GRM5: variants seen among roughly 807,000 people sequenced by gnomAD.
GRM5 encodes metabotropic glutamate receptor 5.
In GRM5, 19 loss-of-function variants were observed where a neutral mutation model predicts 83.1. The observed-to-expected ratio is 0.23, with a 90% CI of 0.16 to 0.34. The LOEUF is 0.34. Among genes scored for constraint, GRM5 ranks in the 10% least tolerant of loss-of-function variants. GRM5 has a pLI of 1.00. For missense variants in GRM5, 1,160 were observed against 1,588.3 expected (o/e 0.73, Z 4.58); for synonymous variants, 675 against 633.6 (o/e 1.07, Z -0.98).
At chr11:88,785,501 T>A (rs138605772) in intron 3 of GRM5, among the ~76,000 whole-genome samples, 1 of 152,224 alleles carries the variant, frequency 6.6e-6, no homozygotes, top group Non-Finnish European at 1.5e-5. Context: ...CCATTACTTA[T>A]GACCTCAAAA....
intron 2 of GRM5, among the ~76,000 whole-genome samples, chr11:88,979,340 A>AT (rs1939449321): frequency 6.6e-6 from 1 of 152,218 alleles, no homozygotes; most frequent in Non-Finnish European, 1.5e-5. Flanking sequence ...AAACAAAATG[A>AT]TTTTTTGAAA....
intron 3 of GRM5, among the ~76,000 whole-genome samples, chr11:88,832,331 A>C (rs1489730595): frequency 1.3e-5 from 2 of 152,216 alleles, no homozygotes; most frequent in Non-Finnish European, 2.9e-5. Flanking sequence ...ACCAATAATG[A>C]ACTGGCTGAG....
chr11:88,564,786 T>A (rs1181719788), intron 8 of GRM5, among the ~76,000 whole-genome samples: 1 of 152,218 alleles, frequency 6.6e-6, no homozygotes, highest in African/African-American at 2.4e-5. Context: ...CCTAAGGAGC[T>A]TGCTCTGCTT....
At chr11:89,054,258 T>C (rs534601138) in intron 1 of GRM5, among the ~76,000 whole-genome samples, 9 of 152,172 alleles carry the variant, frequency 5.9e-5, no homozygotes, top group Admixed American at 5.2e-4. Flanking sequence ...AGTGAACAAA[T>C]TGGCTATTAG....
At chr11:88,542,447 C>T (rs1329409364) in intron 8 of GRM5, among the ~76,000 whole-genome samples, 2 of 152,192 alleles carry the variant, frequency 1.3e-5, no homozygotes, top group Admixed American at 6.5e-5. Flanking sequence ...AGGCACTATA[C>T]TCAGAGCTTT....
chr11:88,954,530 A>C (rs1938551133), intron 2 of GRM5, among the ~76,000 whole-genome samples: 1 of 152,236 alleles, frequency 6.6e-6, no homozygotes, highest in Non-Finnish European at 1.5e-5. Context: ...ATGAGAGCCC[A>C]GCACTGCTCA....
At chr11:89,061,846 A>G (rs1158228171) in intron 1 of GRM5, among the ~76,000 whole-genome samples, 2 of 152,240 alleles carry the variant, frequency 1.3e-5, no homozygotes, top group Non-Finnish European at 2.9e-5. Flanking sequence ...TGTAGCCCGC[A>G]GCCAAAACAT....
chr11:88,740,296 G>A, intron 3 of GRM5, among the ~76,000 whole-genome samples: 1 of 151,774 alleles, frequency 6.6e-6, no homozygotes, highest in South Asian at 2.1e-4. Context: ...TTCTGCCATG[G>A]GGAATAATAG....
intron 2 of GRM5, among the ~76,000 whole-genome samples, chr11:88,934,676 A>G (rs1255475889): frequency 1.3e-5 from 2 of 151,866 alleles, no homozygotes; most frequent in African/African-American, 4.8e-5. Flanking sequence ...TTTTATTTTA[A>G]TTGTATTCAA....
At chr11:88,968,170 A>G (rs887391545) in intron 2 of GRM5, among the ~76,000 whole-genome samples, 58 of 152,292 alleles carry the variant, frequency 3.8e-4, no homozygotes, top group African/African-American at 1.4e-3. Context: ...AATGTCCAAT[A>G]CAGTAGTCAA....
At chr11:88,748,869 T>C (rs1346694069) in intron 3 of GRM5, among the ~76,000 whole-genome samples, 1 of 152,116 alleles carries the variant, frequency 6.6e-6, no homozygotes, top group Non-Finnish European at 1.5e-5. Flanking sequence ...GTGGCCTGAT[T>C]GTTAAAAACA....
intron 3 of GRM5, among the ~76,000 whole-genome samples, chr11:88,747,989 G>A (rs1055045700): frequency 3.3e-5 from 5 of 152,228 alleles, no homozygotes; most frequent in East Asian, 1.9e-4. Flanking sequence ...CCTGACCCAC[G>A]AAGAAGGAAG....
intron 2 of GRM5, among the ~76,000 whole-genome samples, chr11:88,907,317 C>G (rs1204372543): frequency 6.6e-6 from 1 of 152,116 alleles, no homozygotes; most frequent in African/African-American, 2.4e-5. Context: ...CTCTAGTGTC[C>G]CACAGAGGGA....
At chr11:88,553,125 G>A (rs1201479873) in intron 8 of GRM5, among the ~76,000 whole-genome samples, 1 of 152,138 alleles carries the variant, frequency 6.6e-6, no homozygotes, top group African/African-American at 2.4e-5. Context: ...ATTAAGACAA[G>A]TCCTGAAGTT....
chr11:88,651,980 T>A (rs1184174988), intron 4 of GRM5, among the ~76,000 whole-genome samples: 1 of 151,984 alleles, frequency 6.6e-6, no homozygotes, highest in Non-Finnish European at 1.5e-5. Context: ...CTAAATTGTT[T>A]CTGTTTTTAT....
intron 5 of GRM5, 48 bp from the exon 6 acceptor site, chr11:88,597,400 C>G (rs1937843491): frequency 9.6e-7 from 1 of 1,037,506 alleles, no homozygotes; most frequent in Admixed American, 2.7e-5. Context: ...TGTAAATACT[C>G]AGCTTTGAAA....
At chr11:88,684,871 C>G (rs1376264639) in intron 3 of GRM5, among the ~76,000 whole-genome samples, 3 of 152,272 alleles carry the variant, frequency 2.0e-5, no homozygotes, top group South Asian at 4.1e-4. Flanking sequence ...ATTCTGAGGC[C>G]TTGCCAGCCA....
intron 3 of GRM5, among the ~76,000 whole-genome samples, chr11:88,780,895 A>G (rs1388545237): frequency 6.6e-6 from 1 of 152,032 alleles, no homozygotes; most frequent in Non-Finnish European, 1.5e-5. Flanking sequence ...AACAGCTCTC[A>G]AGTGTGAGAC....
At chr11:88,568,128 T>C in intron 7 of GRM5, 136 bp from the exon 8 acceptor site, 1 of 608,586 alleles carries the variant, frequency 1.6e-6, no homozygotes, top group Non-Finnish European at 2.9e-6. Flanking sequence ...AATCTCCTGC[T>C]ACTTATTGTT....
Sources: gnomAD v4.1 joint callset for allele counts (sites outside exome capture counted in the v4.1 genomes callset) on GRCh38, gnomAD v4.1.1 for gene constraint, MANE v1.5 for transcripts, NCBI Gene and HGNC (gene_info 2026-07-23, HGNC 2026-07-21) for gene names.